The following XYLT1 variants were observed in gnomAD, a reference collection of about 807,000 sequenced individuals.
XYLT1 encodes the protein beta-D-xylosyltransferase 1.
A neutral mutation model predicts 91.3 loss-of-function variants in XYLT1; 36 were observed. That is an observed-to-expected ratio of 0.39 (90% CI 0.30 to 0.52). The LOEUF is 0.52. XYLT1 is among the 20% of genes least tolerant of loss of function. XYLT1 has a pLI of 0.68. For missense variants in XYLT1, 1,242 were observed against 1,284.5 expected (o/e 0.97, Z 0.51); for synonymous variants, 588 against 532.0 (o/e 1.11, Z -1.45).
intron 1 of XYLT1, among the ~76,000 whole-genome samples, chr16:17,390,073 C>T (rs1168343880): frequency 6.6e-6 from 1 of 152,190 alleles, no homozygotes; most frequent in African/African-American, 2.4e-5. Context: ...CATCTCCTCA[C>T]AAAGCAGCAG....
At chr16:17,279,092 G>C (rs963178883) in intron 2 of XYLT1, among the ~76,000 whole-genome samples, 1 of 152,186 alleles carries the variant, frequency 6.6e-6, no homozygotes, top group African/African-American at 2.4e-5. Flanking sequence ...TTTCAGCGTT[G>C]CTACTGGGAC....
chr16:17,443,695 G>A (rs1567205089), intron 1 of XYLT1, among the ~76,000 whole-genome samples: 1 of 152,184 alleles, frequency 6.6e-6, no homozygotes, highest in Non-Finnish European at 1.5e-5. Flanking sequence ...CATTAGAAAC[G>A]TAGTGATACA....
chr16:17,295,259 G>A (rs1296046615), intron 2 of XYLT1, among the ~76,000 whole-genome samples: 1 of 152,152 alleles, frequency 6.6e-6, no homozygotes, highest in African/African-American at 2.4e-5. Context: ...GGTGGAGGAA[G>A]TAAAAGATGA....
At chr16:17,453,650 A>C (rs527477233) in intron 1 of XYLT1, among the ~76,000 whole-genome samples, 253 of 152,376 alleles carry the variant, frequency 1.7e-3, no homozygotes, top group African/African-American at 5.1e-3. Flanking sequence ...ATTTCAGCAC[A>C]GAGTTTCAAT....
intron 6 of XYLT1, among the ~76,000 whole-genome samples, chr16:17,154,497 C>T (rs1334090653): frequency 6.6e-6 from 1 of 152,226 alleles, no homozygotes; most frequent in Non-Finnish European, 1.5e-5. Flanking sequence ...TCTGATGCTC[C>T]CTGAGCCAAG....
At chr16:17,432,665 T>C (rs184783793) in intron 1 of XYLT1, among the ~76,000 whole-genome samples, 2 of 152,194 alleles carry the variant, frequency 1.3e-5, no homozygotes, top group Non-Finnish European at 2.9e-5. Context: ...TTTTACAGTA[T>C]GTAAATCACA....
At chr16:17,344,560 T>C (rs1361211612) in intron 2 of XYLT1, among the ~76,000 whole-genome samples, 1 of 151,432 alleles carries the variant, frequency 6.6e-6, no homozygotes, top group Admixed American at 6.6e-5. Context: ...GACCCCAGGT[T>C]AGTCAGTCCA....
At chr16:17,228,724 G>A (rs1033031742) in intron 3 of XYLT1, among the ~76,000 whole-genome samples, 1 of 152,132 alleles carries the variant, frequency 6.6e-6, no homozygotes, top group Non-Finnish European at 1.5e-5. Context: ...TGTGACAACT[G>A]TCTGTCTGGT....
At chr16:17,387,999 ATCCAATAAACCCACCGTAAG>A (rs1211795447) in intron 1 of XYLT1, among the ~76,000 whole-genome samples, 3 of 152,172 alleles carry the variant, frequency 2.0e-5, no homozygotes, top group Non-Finnish European at 2.9e-5. Context: ...AATGGGTTAG[ATCCAATAAACCCACCGTAAG>A]CTGAAAATAG....
chr16:17,130,249 C>T (rs2030419098), intron 9 of XYLT1, among the ~76,000 whole-genome samples: 1 of 152,252 alleles, frequency 6.6e-6, no homozygotes. Context: ...TCCAGCTGAT[C>T]TGCGAACTTG....
chr16:17,332,567 T>TACACATACACACAC (rs1233628545), intron 2 of XYLT1, among the ~76,000 whole-genome samples: 7 of 137,902 alleles, frequency 5.1e-5, no homozygotes, highest in African/African-American at 1.6e-4. Context: ...ATCACACACA[T>TACACATACACACAC]ACACACACAC....
At chr16:17,129,348 G>A (rs1245852043) in intron 9 of XYLT1, among the ~76,000 whole-genome samples, 2 of 152,020 alleles carry the variant, frequency 1.3e-5, no homozygotes, top group African/African-American at 2.4e-5. Context: ...TGCAACCTCC[G>A]CCTCCTGGGT....
At chr16:17,456,634 C>T (rs1203287936) in intron 1 of XYLT1, among the ~76,000 whole-genome samples, 2 of 152,190 alleles carry the variant, frequency 1.3e-5, no homozygotes, top group African/African-American at 4.8e-5. Context: ...TGCCACCACG[C>T]CCGGCAACAG....
At chr16:17,168,503 G>A (rs1411652952) in intron 5 of XYLT1, among the ~76,000 whole-genome samples, 1 of 152,110 alleles carries the variant, frequency 6.6e-6, no homozygotes, top group Non-Finnish European at 1.5e-5. Context: ...ACTTACCTAG[G>A]TAATGGGGGC....
intron 2 of XYLT1, among the ~76,000 whole-genome samples, chr16:17,307,289 C>T (rs1304551229): frequency 2.0e-5 from 3 of 152,184 alleles, no homozygotes; most frequent in African/African-American, 7.2e-5. Flanking sequence ...GCTGGTCAGG[C>T]TGGTCTCGAA....
intron 1 of XYLT1, among the ~76,000 whole-genome samples, chr16:17,426,516 A>G (rs1196798360): frequency 2.0e-5 from 3 of 152,220 alleles, no homozygotes; most frequent in Non-Finnish European, 1.5e-5. Flanking sequence ...ACTGCACTCT[A>G]GCCTGGGAAA....
chr16:17,403,517 A>C (rs909123514), intron 1 of XYLT1: 1 of 152,238 alleles, frequency 6.6e-6, no homozygotes, highest in Admixed American at 6.5e-5. Flanking sequence ...GGCAACAAAC[A>C]AGAGAGAATG....
chr16:17,129,662 G>A (rs1261564860), intron 9 of XYLT1, among the ~76,000 whole-genome samples: 1 of 152,182 alleles, frequency 6.6e-6, no homozygotes, highest in African/African-American at 2.4e-5. Flanking sequence ...TGGGAAAGCT[G>A]TCTCCCAACC....
intron 5 of XYLT1, among the ~76,000 whole-genome samples, chr16:17,167,351 G>A (rs1002182646): frequency 3.3e-5 from 5 of 152,272 alleles, no homozygotes; most frequent in Admixed American, 3.3e-4. Context: ...CAGGGTGTAT[G>A]TCTTTTTCCT....
Sources: gnomAD v4.1 joint callset for allele counts (sites outside exome capture counted in the v4.1 genomes callset) on GRCh38, gnomAD v4.1.1 for gene constraint, MANE v1.5 for transcripts, NCBI Gene and HGNC (gene_info 2026-07-23, HGNC 2026-07-21) for gene names.